ROCK2: variants seen among roughly 807,000 people sequenced by gnomAD.
ROCK2 encodes rho-associated protein kinase 2.
Under a neutral mutation model 195.1 loss-of-function variants are expected in ROCK2, and 61 were observed. The ratio of observed to expected loss-of-function variants is 0.31; its 90% confidence interval spans 0.25 to 0.39. The LOEUF (loss-of-function observed/expected upper bound fraction) is 0.39, where lower values mean the gene tolerates loss of function less well. Ranked by LOEUF, ROCK2 falls within the 10% of genes least tolerant of loss-of-function variation. The probability of loss-of-function intolerance (pLI) is 1.00; values close to 1 mark genes in which losing one functional copy is unlikely to be tolerated. For synonymous variants in ROCK2, 504 were observed against 545.5 expected (o/e 0.92, Z 1.06); for missense variants, 1,109 against 1,637.4 (o/e 0.68, Z 5.57).
Position 11,249,780 on chromosome 2 carries a change from G to T in ROCK2, c.343C>A (p.Gln115Lys). Residue 115 changes from glutamine to lysine, a missense_variant, in exon 4 of 33, where the codon CAG becomes AAG. Coordinates refer to ENST00000315872, the MANE Select transcript of ROCK2 (RefSeq NM_004850.5). Reference protein sequence around the residue: ...EVQLVRHKASQKVYAMKLLSK... With the variant: ...EVQLVRHKASKKVYAMKLLSK... ...AGAAGCTTCATAGCATAAACCTTCT[G>T]CGATGCCTTGTGACGAACCTGTTGA... 1 of 1,540,466 alleles carries T rather than the reference G, an allele frequency of 6.5e-7. No individual in the cohort carries two copies. The highest frequency in any genetic ancestry group is 8.7e-7 in the Non-Finnish European group (1 of 1,150,768).
intron 3 of ROCK2, among the ~76,000 whole-genome samples, chr2:11,252,680 T>G (rs1024624345): frequency 2.0e-5 from 3 of 151,932 alleles, no homozygotes; most frequent in Non-Finnish European, 4.4e-5. Context: ...AAACCATCAC[T>G]CTCAGCAAAT....
intron 1 of ROCK2, among the ~76,000 whole-genome samples, chr2:11,304,331 T>C (rs923506831): frequency 3.9e-5 from 6 of 152,218 alleles, no homozygotes; most frequent in Non-Finnish European, 7.3e-5. Context: ...TCTCCATTCA[T>C]GCCAATTCCA....
chr2:11,280,562 G>A (rs995223293), intron 3 of ROCK2, among the ~76,000 whole-genome samples: 31 of 152,128 alleles, frequency 2.0e-4, no homozygotes, highest in East Asian at 3.9e-4. Flanking sequence ...CCCAGGAGGC[G>A]GAGGTTACAG....
Position 11,235,671 on chromosome 2 carries a change from C to T in ROCK2, c.723+31G>A. 2 of 1,575,192 alleles carry T rather than the reference C, an allele frequency of 1.3e-6. No homozygotes were observed. The highest frequency in any genetic ancestry group is 1.7e-6 in the Non-Finnish European group (2 of 1,160,882). On this transcript the variant is annotated intron_variant, in intron 5 of 32. Transcript: ENST00000315872. The surrounding 1 kb of genome is among the most constrained non-coding windows in gnomAD (Gnocchi z 4.2). ...TTTCATTTATTTCTGTCCCTCAAAA[C>T]ACTATCGTTTTAAATAATTTGCTTA...
chr2:11,217,294 G>A (rs1440159074), intron 11 of ROCK2, 125 bp from the exon 12 acceptor site: 1 of 739,178 alleles, frequency 1.4e-6, no homozygotes, highest in Admixed American at 1.7e-5. Context: ...TAATGGTACA[G>A]TATTTGTACC....
At chr2:11,202,152 A>G (rs1248090425) in intron 20 of ROCK2, 31 bp from the exon 21 acceptor site, 2 of 1,558,004 alleles carry the variant, frequency 1.3e-6, no homozygotes, top group East Asian at 2.2e-5. Flanking sequence ...AGGTTTAAAT[A>G]ACTTACACAT....
chr2:11,240,160 T>G (rs1012310194), intron 4 of ROCK2, among the ~76,000 whole-genome samples: 6 of 152,180 alleles, frequency 3.9e-5, no homozygotes, highest in African/African-American at 1.4e-4. Flanking sequence ...TTAAACTCAA[T>G]CTCTAATCCT....
chr2:11,320,362 G>C (rs978546875), intron 1 of ROCK2, among the ~76,000 whole-genome samples: 1 of 152,072 alleles, frequency 6.6e-6, no homozygotes, highest in African/African-American at 2.4e-5. Flanking sequence ...CCACTACCAG[G>C]TTCCTTCAAT....
chr2:11,237,483 G>T (rs1665252537), intron 4 of ROCK2, among the ~76,000 whole-genome samples: 1 of 152,090 alleles, frequency 6.6e-6, no homozygotes, highest in Non-Finnish European at 1.5e-5. Flanking sequence ...CTAAGATCAA[G>T]AAAACCTCTA....
intron 32 of ROCK2, chr2:11,184,720 C>T (rs949688336): frequency 2.0e-6 from 2 of 983,916 alleles, no homozygotes; most frequent in Admixed American, 6.1e-5. Flanking sequence ...CCACCACCAT[C>T]AACATCATCA....
intron 20 of ROCK2, among the ~76,000 whole-genome samples, chr2:11,205,869 G>A (rs1014429995): frequency 2.0e-5 from 3 of 152,106 alleles, no homozygotes; most frequent in Admixed American, 6.5e-5. Context: ...AGTACTTTGG[G>A]AGGCAAAGCC....
At chr2:11,277,769 T>C (rs1666876669) in intron 3 of ROCK2, among the ~76,000 whole-genome samples, 1 of 152,218 alleles carries the variant, frequency 6.6e-6, no homozygotes, top group Non-Finnish European at 1.5e-5. Flanking sequence ...TTTGCAATTG[T>C]GAATGGTGCT....
At chr2:11,218,918 T>A in intron 10 of ROCK2, 48 bp downstream of exon 10, 1 of 1,133,360 alleles carries the variant, frequency 8.8e-7, no homozygotes, top group Non-Finnish European at 1.3e-6. Flanking sequence ...TACTAAAATA[T>A]TTAAACATGA....
chr2:11,313,224 T>C (rs1450222122), intron 1 of ROCK2, among the ~76,000 whole-genome samples: 1 of 151,966 alleles, frequency 6.6e-6, no homozygotes, highest in African/African-American at 2.4e-5. Context: ...GGGGATGGAG[T>C]AGCTGTTACA....
chr2:11,207,098 T>C (rs1664080957), intron 20 of ROCK2, among the ~76,000 whole-genome samples: 2 of 152,202 alleles, frequency 1.3e-5, no homozygotes, highest in South Asian at 4.1e-4. Context: ...TTTATCTTTT[T>C]TAGAGTTGAG....
intron 3 of ROCK2, among the ~76,000 whole-genome samples, chr2:11,251,303 C>G (rs1665823806): frequency 6.6e-6 from 1 of 152,218 alleles, no homozygotes; most frequent in African/African-American, 2.4e-5. Flanking sequence ...TAATGTCTGG[C>G]ACATAATAAC....
chr2:11,227,489 A>C (rs1664856112), intron 5 of ROCK2, 91 bp from the exon 6 acceptor site: 1 of 1,177,932 alleles, frequency 8.5e-7, no homozygotes, highest in East Asian at 2.4e-5. Flanking sequence ...TAGATATACA[A>C]TGATTACATA....
At chr2:11,272,809 A>ACAG (rs1666685215) in intron 3 of ROCK2, among the ~76,000 whole-genome samples, 1 of 150,426 alleles carries the variant, frequency 6.6e-6, no homozygotes, top group Non-Finnish European at 1.5e-5. Flanking sequence ...GACAGAGGTT[A>ACAG]CAGTGAGCCA....
At position 11,327,607 on chromosome 2, in the gene ROCK2, G is replaced by C. The variant is rs898045497; in HGVS notation, c.141+16389C>G. Among the ~76,000 whole-genome samples the C allele has an allele frequency of 3.9e-5, 6 of 152,172 alleles. No homozygotes were observed. In the East Asian group the frequency reaches 9.6e-4, roughly 24 times the overall value. On this transcript the variant is annotated intron_variant, in intron 1 of 32. Transcript: ENST00000315872. ...AGGGGGAGTCTCATTCTGTCACCCA[G>C]GCTAGAGTGCAATGGTATAATCTCA... is the stretch of plus-strand genomic sequence containing the variant.
Sources: allele counts gnomAD v4.1 joint callset (sites outside exome capture counted in the v4.1 genomes callset), GRCh38; gene constraint gnomAD v4.1.1; non-coding constraint Gnocchi (gnomAD v3.1); transcripts MANE v1.5; gene names NCBI Gene and HGNC (gene_info 2026-07-23, HGNC 2026-07-21).